The following NBPF11 variants were observed in gnomAD, a reference collection of about 807,000 sequenced individuals.
The protein encoded by NBPF11 is NBPF family member NBPF11.
A neutral mutation model predicts 93.9 loss-of-function variants in NBPF11; 72 were observed. That is an observed-to-expected ratio of 0.77 (90% CI 0.63 to 0.93). The LOEUF is 0.93. Ranked by LOEUF, NBPF11 falls within the 40% of genes least tolerant of loss-of-function variation. The pLI is 0.00. For synonymous variants in NBPF11, 224 were observed against 304.9 expected (o/e 0.73, Z 2.76); for missense variants, 705 against 802.2 (o/e 0.88, Z 1.46).
At chr1:148,109,159 A>G in intron 17 of NBPF11, 125 bp downstream of exon 17, 1 of 797,196 alleles carries the variant, frequency 1.3e-6, no homozygotes, top group South Asian at 1.3e-5. Flanking sequence ...AAAACAATGC[A>G]GTAGGCATAA....
At chr1:148,122,436 T>C (rs1460394737) in intron 8 of NBPF11, among the ~76,000 whole-genome samples, 170 bp from the exon 9 acceptor site, 2 of 152,118 alleles carry the variant, frequency 1.3e-5, no homozygotes, top group Non-Finnish European at 2.9e-5. Flanking sequence ...CAACAGAGCT[T>C]CGCTGCCATG....
At chr1:148,121,407 C>T (rs202124230) in intron 9 of NBPF11, among the ~76,000 whole-genome samples, 1 of 144,262 alleles carries the variant, frequency 6.9e-6, no homozygotes. Flanking sequence ...GAGTGCAGTG[C>T]CACAGTCTCG....
intron 3 of NBPF11, among the ~76,000 whole-genome samples, chr1:148,137,311 C>A (rs1295456183): frequency 6.6e-6 from 1 of 151,212 alleles, no homozygotes; most frequent in Middle Eastern, 3.2e-3. Flanking sequence ...GAGGAAAGCA[C>A]GTGGCCTCTG....
At position 148,103,659 on chromosome 1, in the gene NBPF11, T is replaced by G. The variant is rs1211082871; in HGVS notation, c.*237A>C. The stretch of plus-strand genomic sequence containing the variant: ...GCAGGAATGACACCTCTCGGCTTAG[T>G]AAGGGCTGCTTATTGTGGGAATATG... On this transcript the variant is annotated 3_prime_UTR_variant, in exon 24 of 24. Coordinates refer to ENST00000682118, the MANE Select transcript of NBPF11 (RefSeq NM_001385469.3). 2 of 1,611,190 alleles carry G rather than the reference T, an allele frequency of 1.2e-6. No individual in the cohort carries two copies. The highest frequency in any genetic ancestry group is 8.5e-7 in the Non-Finnish European group (1 of 1,179,240).
chr1:148,127,810 T>A (rs1411732982), intron 4 of NBPF11, among the ~76,000 whole-genome samples: 1 of 150,570 alleles, frequency 6.6e-6, no homozygotes, highest in Non-Finnish European at 1.5e-5. Context: ...GCCCGGCTAA[T>A]TTTTCTTTTT....
rs1663376446 is a variant in NBPF11 at position 148,105,664 on chromosome 1, T to C, written c.2304-136A>G. 3.2e-6 allele frequency: 2 copies of C among 630,244 alleles called. 1 individual carries two copies. Among genetic ancestry groups the C allele is most frequent in the Non-Finnish European group, 5.5e-6 (2 of 360,378 alleles). The allele number at this position is 630,244 out of a possible 1,614,324, so 39.0% of individuals were successfully genotyped here. ...GATCTATTAATGAGGTAACAAATTA[T>C]TGCCTTCATGTTGGGACAGAACAGG... On this transcript the variant is annotated intron_variant, in intron 21 of 23. Coordinates refer to ENST00000682118, the MANE Select transcript of NBPF11 (RefSeq NM_001385469.3).
At chr1:148,124,573 GT>G (rs1326425934) in intron 6 of NBPF11, among the ~76,000 whole-genome samples, 2 of 151,588 alleles carry the variant, frequency 1.3e-5, no homozygotes, top group Non-Finnish European at 2.9e-5. Flanking sequence ...CTCACTAAGG[GT>G]AAGTGGGGTG....
chr1:148,117,202 A>T lies in NBPF11; in HGVS notation c.1306+370T>A, dbSNP rs1454654309. ...CTCAGGAAGGACAAGTCATTCACTC[A>T]CCGACAGTTACTAAGAACATTGCCA... is the stretch of plus-strand genomic sequence containing the variant. On this transcript the variant is annotated intron_variant, in intron 12 of 23. Transcript: ENST00000682118. Among the ~76,000 whole-genome samples, 25 of 151,500 alleles carry T rather than the reference A, an allele frequency of 1.7e-4. No individual in the cohort carries two copies. The South Asian group carries it at 3.5e-3, about 21-fold the overall frequency.
At position 148,118,610 on chromosome 1, in the gene NBPF11, G is replaced by A. The variant is rs1483308778; in HGVS notation, c.1091+10C>T. 1 of 1,608,292 alleles carries A rather than the reference G, an allele frequency of 6.2e-7. No individual in the cohort carries two copies. Among genetic ancestry groups the A allele is most frequent in the Non-Finnish European group, 8.5e-7 (1 of 1,176,436 alleles). ...CTGCCCCCCTGCCTGCCCCCATGGG[G>A]TCCCCTCACCTGAGCTCCTCAGCTT... On this transcript the variant is annotated intron_variant, in intron 11 of 23. Coordinates refer to ENST00000682118, the MANE Select transcript of NBPF11 (RefSeq NM_001385469.3).
chr1:148,149,200 G>A (rs1307764218), intron 1 of NBPF11: 3 of 1,564,666 alleles, frequency 1.9e-6, no homozygotes, highest in Middle Eastern at 2.3e-4. Context: ...TGTACGGGCA[G>A]AGCATCGGCA....
chr1:148,124,882 C>G lies in NBPF11; in HGVS notation c.278+17G>C, dbSNP rs201605735. The G allele has an allele frequency of 1.9e-6, 3 of 1,607,754 alleles. No homozygotes were observed. The East Asian group carries it at 6.7e-5, about 36-fold the overall frequency. On this transcript the variant is annotated intron_variant, in intron 6 of 23. Coordinates refer to ENST00000682118, the MANE Select transcript of NBPF11 (RefSeq NM_001385469.3). ...TACACACCTACCTGCCTGTCTCCCC[C>G]TACGGGGTCCCCTCACCTGAGCTCC...
At chr1:148,141,120 C>T (rs1449059312) in intron 2 of NBPF11, among the ~76,000 whole-genome samples, 33 of 151,876 alleles carry the variant, frequency 2.2e-4, no homozygotes, top group Admixed American at 4.6e-4. Context: ...AGTAGTAAAA[C>T]GATGAGTGGT....
At chr1:148,116,696 T>C (rs1304657564) in intron 12 of NBPF11, among the ~76,000 whole-genome samples, 161 bp from the exon 13 acceptor site, 2 of 151,622 alleles carry the variant, frequency 1.3e-5, no homozygotes, top group Admixed American at 1.3e-4. Context: ...CATGGTTTCC[T>C]GGTCCATCAG....
chr1:148,150,842 C>T (rs1489571668), intron 1 of NBPF11, among the ~76,000 whole-genome samples: 1 of 151,556 alleles, frequency 6.6e-6, no homozygotes, highest in Non-Finnish European at 1.5e-5. Context: ...AGTCTCCTGC[C>T]TCAGCCTCCC....
chr1:148,117,690 C>A lies in NBPF11; in HGVS notation c.1188G>T (p.Glu396Asp). ...EGRDASRSLN[E>D]HLQALLTPDE... ...CCGGAGTGAGGAGGGCCTGGAGATG[C>A]TCATTCAATGAGCGGGAGGCATCTC... The change falls in exon 12 of 24, where the codon GAG (glutamate) becomes GAT (aspartate). Residue 396 changes from glutamate to aspartate, a missense_variant. Glu to Asp is a conservative substitution (Grantham distance 45, BLOSUM62 2). This residue lies in a region of NBPF11 where 5 missense variants were observed against 45.7 expected (regional missense o/e 0.11). Transcript: ENST00000682118. 1 of 589,234 alleles carries A rather than the reference C, an allele frequency of 1.7e-6. No homozygotes were observed. Among genetic ancestry groups the A allele is most frequent in the Admixed American group, 3.1e-5 (1 of 31,948 alleles). The allele number at this position is 589,234 out of a possible 1,614,324, so 36.5% of individuals were successfully genotyped here.
At chr1:148,113,182 A>T (rs1319299841) in intron 15 of NBPF11, among the ~76,000 whole-genome samples, 2 of 152,072 alleles carry the variant, frequency 1.3e-5, no homozygotes, top group African/African-American at 4.8e-5. Flanking sequence ...GGCAAATTGG[A>T]TAAAGAGTCA....
In NBPF11 at chr1:148,143,417, G is replaced by C. The variant is rs1200448431; in HGVS notation, c.-279C>G. ...TGGCAATGCCTCAGGATTTTTACCT[G>C]TTGGATCTGGCAGCTCTTCATGTCG... On this transcript the variant is annotated splice_region_variant and 5_prime_UTR_variant, in exon 2 of 24. Transcript: ENST00000682118. The C allele has an allele frequency of 6.8e-5, 60 of 887,924 alleles. No individual in the cohort carries two copies. The South Asian group carries it at 2.1e-3, about 31-fold the overall frequency. 55.0% of individuals were successfully genotyped at this position (887,924 alleles called of 1,614,324 possible). A position where few individuals can be genotyped will look rare whatever the true frequency, so the allele number is the denominator to read the frequency against.
chr1:148,123,127 C>A (rs1553271972), intron 7 of NBPF11, among the ~76,000 whole-genome samples: 1 of 151,710 alleles, frequency 6.6e-6, no homozygotes, highest in Non-Finnish European at 1.5e-5. Flanking sequence ...CAGGAACAGG[C>A]TTGGTGTCCT....
chr1:148,104,104 G>T, intron 23 of NBPF11, among the ~76,000 whole-genome samples, 192 bp from the exon 24 acceptor site: 2 of 138,580 alleles, frequency 1.4e-5, no homozygotes. Flanking sequence ...GAGAAAGACA[G>T]AGAGAGAGAG....
Sources: allele counts gnomAD v4.1 joint callset (sites outside exome capture counted in the v4.1 genomes callset), GRCh38; gene constraint gnomAD v4.1.1; regional missense constraint gnomAD v4.1.1; transcripts MANE v1.5; gene names NCBI Gene and HGNC (gene_info 2026-07-23, HGNC 2026-07-21).